Variants in GALNT8 observed in about 807,000 individuals in gnomAD.
The protein encoded by GALNT8 is polypeptide N-acetylgalactosaminyltransferase 8.
GALNT8 carries 66 observed loss-of-function variants against 62.7 expected under a neutral mutation model. That is an observed-to-expected ratio of 1.05 (90% CI 0.86 to 1.29). The LOEUF (loss-of-function observed/expected upper bound fraction) is 1.29, where lower values mean the gene tolerates loss of function less well. Ranked by LOEUF, GALNT8 falls within the 50% of genes most tolerant of loss-of-function variation. The probability of loss-of-function intolerance (pLI) is 0.00; values close to 1 mark genes in which losing one functional copy is unlikely to be tolerated. For missense variants in GALNT8, 771 were observed against 791.8 expected, an observed-to-expected ratio of 0.97 and a Z score of 0.32; for synonymous variants, 288 against 294.3, an observed-to-expected ratio of 0.98 and a Z score of 0.22.
intron 9 of GALNT8, among the ~76,000 whole-genome samples, chr12:4,764,543 T>G (rs1479906566): frequency 2.0e-5 from 1 of 50,820 alleles, no homozygotes; most frequent in Non-Finnish European, 5.0e-5. Flanking sequence ...TTTTTTTTTT[T>G]TTTTTTTTTT....
intron 10 of GALNT8, among the ~76,000 whole-genome samples, chr12:4,770,310 A>G (rs528936899): frequency 6.6e-6 from 1 of 151,910 alleles, no homozygotes; most frequent in South Asian, 2.1e-4. Flanking sequence ...TCAAAAGAAA[A>G]AAAAAAAAAC....
intron 6 of GALNT8, among the ~76,000 whole-genome samples, chr12:4,751,723 C>T (rs1465221690): frequency 6.6e-6 from 1 of 152,092 alleles, no homozygotes; most frequent in Non-Finnish European, 1.5e-5. Context: ...GAAGTGTATT[C>T]CGCAGCCACT....
At chr12:4,739,070 G>A (rs1946258536) in intron 2 of GALNT8, 93 bp from the exon 3 acceptor site, 2 of 697,502 alleles carry the variant, frequency 2.9e-6, no homozygotes, top group Non-Finnish European at 4.4e-6. Context: ...TGAATTGGTC[G>A]ATATAACATC....
At chr12:4,764,530 A>ATTTTTTTTTTTTTTTTTTTT (rs58809573) in intron 9 of GALNT8, among the ~76,000 whole-genome samples, 1 of 102,222 alleles carries the variant, frequency 9.8e-6, no homozygotes, top group Non-Finnish European at 1.9e-5. Context: ...CAGTCAGGGG[A>ATTTTTTTTTTTTTTTTTTTT]TTTTTTTTTT....
rs534614721 is a variant in GALNT8, at chr12:4,732,019, G to T, written c.509+5190G>T. Among the ~76,000 whole-genome samples, 36 of 151,940 alleles carry T rather than the reference G, an allele frequency of 2.4e-4. No homozygotes were observed. The East Asian group carries it at 6.4e-3, about 27-fold the overall frequency. On this transcript the variant is annotated intron_variant, in intron 2 of 10. Coordinates refer to ENST00000252318, the MANE Select transcript of GALNT8 (RefSeq NM_017417.2). ...AGGGGAGACCTATGTGTGGGGTCCT[G>T]TGTGACTGCACAGGTTGCATACCAT...
intron 2 of GALNT8, among the ~76,000 whole-genome samples, chr12:4,734,929 C>T (rs1946237964): frequency 6.6e-6 from 1 of 152,216 alleles, no homozygotes; most frequent in South Asian, 2.1e-4. Context: ...TGCCAACATA[C>T]ATGTTGTGAG....
At chr12:4,722,868 G>A (rs571446018) in intron 1 of GALNT8, among the ~76,000 whole-genome samples, 8 of 152,168 alleles carry the variant, frequency 5.3e-5, no homozygotes, top group African/African-American at 7.2e-5. Context: ...GGGAAAGAGC[G>A]AGGAGAGTGA....
intron 10 of GALNT8, among the ~76,000 whole-genome samples, chr12:4,766,444 A>C (rs559404730): frequency 2.1e-4 from 32 of 152,336 alleles, no homozygotes; most frequent in Non-Finnish European, 2.2e-4. Flanking sequence ...AAGAGTGTTC[A>C]ATACGCATTA....
chr12:4,758,625 TGTG>T, intron 6 of GALNT8, among the ~76,000 whole-genome samples: 1 of 92,680 alleles, frequency 1.1e-5, no homozygotes, highest in East Asian at 2.6e-4. Flanking sequence ...TGTGTGTGTG[TGTG>T]TGTGTGTGTG....
At chr12:4,742,858 A>G (rs1946278198) in intron 3 of GALNT8, among the ~76,000 whole-genome samples, 1 of 152,150 alleles carries the variant, frequency 6.6e-6, no homozygotes, top group Non-Finnish European at 1.5e-5. Context: ...CAAAGCTGGG[A>G]AGGGAGCATA....
Position 4,761,148 on chromosome 12 carries a change from G to A in GALNT8, c.1359+5G>A. The stretch of plus-strand genomic sequence containing the variant: ...GCCTGGAACATACCTCTCCAGGTGA[G>A]TCATGGAATTGAACAGCAGCACGGA... On this transcript the variant is annotated splice_donor_5th_base_variant and intron_variant, in intron 7 of 10. Transcript: ENST00000252318. 6.2e-7 allele frequency: 1 copy of A among 1,610,482 alleles called. No homozygotes were observed. The highest frequency in any genetic ancestry group is 8.5e-7 in the Non-Finnish European group (1 of 1,176,942).
intron 4 of GALNT8, 137 bp downstream of exon 4, chr12:4,744,837 A>G (rs1393437426): frequency 1.0e-5 from 6 of 591,898 alleles, no homozygotes; most frequent in Non-Finnish European, 1.4e-5. Flanking sequence ...CCAAAACAGC[A>G]TGCTTTTATG....
At chr12:4,731,716 G>T (rs569722429) in intron 2 of GALNT8, among the ~76,000 whole-genome samples, 45 of 152,192 alleles carry the variant, frequency 3.0e-4, no homozygotes, top group African/African-American at 9.6e-4. Flanking sequence ...TTTGTTAAGT[G>T]ATTTTTCGCA....
chr12:4,762,800 A>G (rs530719474), intron 7 of GALNT8, among the ~76,000 whole-genome samples: 189 of 152,390 alleles, frequency 1.2e-3, no homozygotes, highest in African/African-American at 4.4e-3. Flanking sequence ...CTTCAGCCAA[A>G]TTAAATTTAA....
At chr12:4,764,435 G>A in intron 9 of GALNT8, among the ~76,000 whole-genome samples, 1 of 151,810 alleles carries the variant, frequency 6.6e-6, no homozygotes, top group African/African-American at 2.4e-5. Flanking sequence ...TTCTCCTATA[G>A]CGAAGGAAGC....
chr12:4,749,621 CTT>C lies in GALNT8; in HGVS notation c.1173+3374_1173+3375del, dbSNP rs915568262. Among the ~76,000 whole-genome samples, 1 of 140,666 alleles carries C rather than the reference CTT, an allele frequency of 7.1e-6. No homozygotes were observed. Among genetic ancestry groups the C allele is most frequent in the Non-Finnish European group, 1.6e-5 (1 of 63,718 alleles). 92.3% of individuals were successfully genotyped at this position (140,666 alleles called of 152,430 possible). On this transcript the variant is annotated intron_variant, in intron 6 of 10. Coordinates refer to ENST00000252318, the MANE Select transcript of GALNT8 (RefSeq NM_017417.2). The surrounding 1 kb of genome is among the most constrained non-coding windows in gnomAD (Gnocchi z 4.1). ...AGATATTGGCCTGTAGTTTTCTTTTCTTTTTTTTTTTTAACGTGTCTTTGTCT... is the reference window on the plus strand; with the variant it reads ...AGATATTGGCCTGTAGTTTTCTTTTCTTTTTTTTTTAACGTGTCTTTGTCT...
At chr12:4,754,850 C>T (rs547130018) in intron 6 of GALNT8, among the ~76,000 whole-genome samples, 3 of 151,712 alleles carry the variant, frequency 2.0e-5, no homozygotes, top group South Asian at 4.2e-4. Flanking sequence ...TTCAAGGCAG[C>T]GAGCTCCCTT....
At chr12:4,766,807 A>G (rs949088561) in intron 10 of GALNT8, among the ~76,000 whole-genome samples, 1 of 152,006 alleles carries the variant, frequency 6.6e-6, no homozygotes, top group African/African-American at 2.4e-5. Flanking sequence ...CTAGTTCAAC[A>G]GTTTCTAACT....
chr12:4,750,003 G>T (rs1177105140), intron 6 of GALNT8, among the ~76,000 whole-genome samples: 1 of 152,036 alleles, frequency 6.6e-6, no homozygotes, highest in Non-Finnish European at 1.5e-5. Context: ...TGCAGAATCA[G>T]TTGTAATGTC....
Sources: gnomAD v4.1 joint callset for allele counts (sites outside exome capture counted in the v4.1 genomes callset) on GRCh38, gnomAD v4.1.1 for gene constraint, Gnocchi (gnomAD v3.1) non-coding constraint, MANE v1.5 for transcripts, NCBI Gene and HGNC (gene_info 2026-07-23, HGNC 2026-07-21) for gene names.